LIN7A: variants seen among roughly 807,000 people sequenced by gnomAD.
The protein encoded by LIN7A is lin-7 cell polarity scaffold A, also known as protein lin-7 homolog A.
LIN7A carries 25 observed loss-of-function variants against 29.8 expected under a neutral mutation model. That is an observed-to-expected ratio of 0.84 (90% CI 0.61 to 1.17). The LOEUF is 1.17. Ranked by LOEUF, LIN7A falls within the 50% of genes most tolerant of loss-of-function variation. The probability of loss-of-function intolerance (pLI) is 0.00; values close to 1 mark genes in which losing one functional copy is unlikely to be tolerated. For synonymous variants in LIN7A, 118 were observed against 107.5 expected, an observed-to-expected ratio of 1.10 and a Z score of -0.60; for missense variants, 239 against 287.0, an observed-to-expected ratio of 0.83 and a Z score of 1.21.
intron 2 of LIN7A, among the ~76,000 whole-genome samples, chr12:80,858,486 C>G (rs1873709563): frequency 6.7e-6 from 1 of 150,018 alleles, no homozygotes. Flanking sequence ...GGCAGGTGGC[C>G]AAGCCACCAA....
intron 2 of LIN7A, among the ~76,000 whole-genome samples, chr12:80,883,862 C>T (rs768612944): frequency 2.6e-5 from 4 of 152,212 alleles, no homozygotes; most frequent in Non-Finnish European, 4.4e-5. Flanking sequence ...GAATGTCTCA[C>T]GGTGACCTTT....
At chr12:80,924,602 G>A (rs1437032296) in intron 1 of LIN7A, among the ~76,000 whole-genome samples, 1 of 152,094 alleles carries the variant, frequency 6.6e-6, no homozygotes, top group Non-Finnish European at 1.5e-5. Flanking sequence ...GATGAAGCAG[G>A]GATAGACAGG....
chr12:80,851,740 A>G (rs1012575250), intron 2 of LIN7A, among the ~76,000 whole-genome samples: 1 of 145,270 alleles, frequency 6.9e-6, no homozygotes, highest in African/African-American at 2.6e-5. Context: ...CCCAGAATGT[A>G]TGACAAACTT....
chr12:80,902,761 G>T (rs1876290672), intron 1 of LIN7A, among the ~76,000 whole-genome samples: 3 of 151,998 alleles, frequency 2.0e-5, no homozygotes, highest in Non-Finnish European at 4.4e-5. Flanking sequence ...GAGACTTTTG[G>T]CAGAGTCTTT....
intron 1 of LIN7A, among the ~76,000 whole-genome samples, chr12:80,919,812 C>T (rs1877209972): frequency 6.6e-6 from 1 of 152,158 alleles, no homozygotes; most frequent in African/African-American, 2.4e-5. Flanking sequence ...TGAGAAAGCC[C>T]TATGCTTGAG....
chr12:80,820,662 T>C, intron 4 of LIN7A, among the ~76,000 whole-genome samples: 1 of 103,994 alleles, frequency 9.6e-6, no homozygotes, highest in Non-Finnish European at 2.5e-5. Flanking sequence ...CACACACCCA[T>C]CTTCAGGAGT....
Position 80,937,770 on chromosome 12 carries a change from G to C in LIN7A, c.-48C>G. On this transcript the variant is annotated 5_prime_UTR_variant, in exon 1 of 6. Coordinates refer to ENST00000552864, the MANE Select transcript of LIN7A (RefSeq NM_004664.4). Reference sequence around the variant, plus strand: ...AAAAAGGAGGAGATTGGGGGCGGGGGTGGAGAGGGAAGACGGAAAGGAGGG... The same window carrying C: ...AAAAAGGAGGAGATTGGGGGCGGGGCTGGAGAGGGAAGACGGAAAGGAGGG... The C allele has an allele frequency of 1.0e-6, 1 of 1,004,526 alleles. No individual in the cohort carries two copies. Among genetic ancestry groups the C allele is most frequent in the South Asian group, 2.0e-5 (1 of 50,788 alleles). 62.2% of individuals were successfully genotyped at this position (1,004,526 alleles called of 1,614,324 possible). A position where few individuals can be genotyped will look rare whatever the true frequency, so the allele number is the denominator to read the frequency against.
intron 5 of LIN7A, among the ~76,000 whole-genome samples, chr12:80,800,806 A>C (rs75194425): frequency 6.6e-6 from 1 of 152,222 alleles, no homozygotes; most frequent in East Asian, 1.9e-4. Context: ...AGAAAAAAAA[A>C]CCAACTACAG....
chr12:80,843,630 G>T (rs534657565), intron 4 of LIN7A, among the ~76,000 whole-genome samples: 1 of 152,204 alleles, frequency 6.6e-6, no homozygotes. Flanking sequence ...CCTGTCAAAG[G>T]TTTGTATGAC....
intron 5 of LIN7A, among the ~76,000 whole-genome samples, chr12:80,806,861 C>G (rs914201716): frequency 6.6e-6 from 1 of 152,124 alleles, no homozygotes; most frequent in African/African-American, 2.4e-5. Context: ...TTATTTGTAC[C>G]TGAAATGGTC....
chr12:80,848,406 A>G, intron 2 of LIN7A, 84 bp from the exon 3 acceptor site: 3 of 1,049,788 alleles, frequency 2.9e-6, no homozygotes, highest in South Asian at 1.4e-5. Context: ...TTATATTTTC[A>G]CTGTAGGAAA....
In LIN7A at chr12:80,828,406, A is replaced by G. The variant is rs181311525; in HGVS notation, c.484-16723T>C. Among the ~76,000 whole-genome samples, 20 of 152,320 alleles carry G rather than the reference A, an allele frequency of 1.3e-4. No homozygotes were observed. In the East Asian group the frequency reaches 3.5e-3, roughly 26 times the overall value. Reference sequence around the variant, plus strand: ...TTATATAGAAGATTTAAAAAGGTCTATGTACAGATGAGGCAAAATCTCCAA... The same window carrying G: ...TTATATAGAAGATTTAAAAAGGTCTGTGTACAGATGAGGCAAAATCTCCAA... On this transcript the variant is annotated intron_variant, in intron 4 of 5. Transcript: ENST00000552864.
chr12:80,817,426 GA>G (rs1383685592), intron 4 of LIN7A, among the ~76,000 whole-genome samples: 1 of 152,132 alleles, frequency 6.6e-6, no homozygotes, highest in Non-Finnish European at 1.5e-5. Flanking sequence ...GAATTACATA[GA>G]TATCATCTTG....
chr12:80,937,818 G>GA lies in LIN7A; in HGVS notation c.-97_-96insT. The GA allele has an allele frequency of 1.3e-6, 1 of 769,762 alleles. No individual in the cohort carries two copies. The allele number at this position is 769,762 out of a possible 1,614,324, so 47.7% of individuals were successfully genotyped here. On this transcript the variant is annotated 5_prime_UTR_variant, in exon 1 of 6. Coordinates refer to ENST00000552864, the MANE Select transcript of LIN7A (RefSeq NM_004664.4). The stretch of plus-strand genomic sequence containing the variant: ...GGGGGAGGAGGGGGAAGGAAGGAAG[G>GA]TGGTGGTGGTGGAGAAGAAAGCTTG...
At chr12:80,802,937 T>C (rs1870791283) in intron 5 of LIN7A, among the ~76,000 whole-genome samples, 1 of 152,276 alleles carries the variant, frequency 6.6e-6, no homozygotes, top group Admixed American at 6.5e-5. Flanking sequence ...CTTAGGCTTC[T>C]TTTGAGAAAT....
chr12:80,901,807 T>A (rs2120736644), intron 1 of LIN7A, among the ~76,000 whole-genome samples: 1 of 152,258 alleles, frequency 6.6e-6, no homozygotes, highest in South Asian at 2.1e-4. Context: ...ATGTTTCCTC[T>A]TTTACCTTAT....
At chr12:80,845,455 CT>C (rs1380326025) in intron 4 of LIN7A, 4 of 322,654 alleles carry the variant, frequency 1.2e-5, no homozygotes, top group Non-Finnish European at 2.2e-5. Flanking sequence ...GTAAATGTTA[CT>C]TGGAGTATTA....
intron 1 of LIN7A, among the ~76,000 whole-genome samples, chr12:80,899,161 C>T (rs1876066006): frequency 6.6e-6 from 1 of 152,014 alleles, no homozygotes; most frequent in Non-Finnish European, 1.5e-5. Flanking sequence ...TTCCTCAATG[C>T]CCAGTTTGTT....
intron 2 of LIN7A, among the ~76,000 whole-genome samples, chr12:80,853,657 T>G (rs2046161213): frequency 6.6e-6 from 1 of 151,870 alleles, no homozygotes; most frequent in African/African-American, 2.4e-5. Context: ...AAAAACATAC[T>G]GACGATATCT....
Sources: allele counts gnomAD v4.1 joint callset (sites outside exome capture counted in the v4.1 genomes callset), GRCh38; gene constraint gnomAD v4.1.1; transcripts MANE v1.5; gene names NCBI Gene and HGNC (gene_info 2026-07-23, HGNC 2026-07-21).